The following SLCO3A1 variants were observed in gnomAD, a reference collection of about 807,000 sequenced individuals.
SLCO3A1 encodes solute carrier organic anion transporter family member 3A1.
Under a neutral mutation model 63.1 loss-of-function variants are expected in SLCO3A1, and 27 were observed. The ratio of observed to expected loss-of-function variants is 0.43; its 90% confidence interval spans 0.32 to 0.59. SLCO3A1 has a LOEUF of 0.59. Ranked by LOEUF, SLCO3A1 falls within the 20% of genes least tolerant of loss-of-function variation. The pLI is 0.09. For missense variants in SLCO3A1, 773 were observed against 945.8 expected (o/e 0.82, Z 2.40); for synonymous variants, 473 against 409.9 (o/e 1.15, Z -1.86).
chr15:92,126,360 G>A, intron 6 of SLCO3A1, 101 bp downstream of exon 6: 1 of 929,762 alleles, frequency 1.1e-6, no homozygotes, highest in South Asian at 1.4e-5. Flanking sequence ...CTAGTGACCT[G>A]AGGAGACGCA....
At chr15:92,063,269 A>G (rs546486157) in intron 2 of SLCO3A1, among the ~76,000 whole-genome samples, 6 of 152,176 alleles carry the variant, frequency 3.9e-5, no homozygotes, top group Admixed American at 6.5e-5. Flanking sequence ...CCCCTTGTGC[A>G]TAGATATCCA....
chr15:92,015,384 C>G (rs1251612690), intron 2 of SLCO3A1, among the ~76,000 whole-genome samples: 2 of 152,030 alleles, frequency 1.3e-5, no homozygotes, highest in Admixed American at 1.3e-4. Flanking sequence ...AAGCAAGTAC[C>G]TTCTTCGCAA....
chr15:92,114,636 C>A (rs190430091), intron 4 of SLCO3A1, among the ~76,000 whole-genome samples: 1 of 152,264 alleles, frequency 6.6e-6, no homozygotes. Context: ...TCCTCTTTCC[C>A]TTTTTTTAAG....
chr15:92,036,785 G>T (rs906791908), intron 2 of SLCO3A1, among the ~76,000 whole-genome samples: 1 of 152,138 alleles, frequency 6.6e-6, no homozygotes, highest in Non-Finnish European at 1.5e-5. Flanking sequence ...GTGCTGGGAA[G>T]CACCCAAATC....
chr15:91,899,589 G>GCAT (rs1408321142), intron 1 of SLCO3A1, among the ~76,000 whole-genome samples: 1 of 152,010 alleles, frequency 6.6e-6, no homozygotes, highest in African/African-American at 2.4e-5. Context: ...TCATTTCTGT[G>GCAT]CATTGTCTTT....
intron 4 of SLCO3A1, among the ~76,000 whole-genome samples, chr15:92,115,251 T>C (rs1306934913): frequency 1.3e-5 from 2 of 152,058 alleles, no homozygotes; most frequent in Admixed American, 1.3e-4. Context: ...TGCCTGGCCC[T>C]CTGGAGGTAG....
intron 2 of SLCO3A1, among the ~76,000 whole-genome samples, chr15:91,971,818 G>A (rs999751331): frequency 8.7e-5 from 7 of 80,676 alleles, no homozygotes; most frequent in Admixed American, 3.6e-4. Context: ...CAGTGGCTCC[G>A]TATTCAGCAG....
At chr15:92,044,173 C>T (rs1351294676) in intron 2 of SLCO3A1, among the ~76,000 whole-genome samples, 1 of 152,098 alleles carries the variant, frequency 6.6e-6, no homozygotes, top group African/African-American at 2.4e-5. Flanking sequence ...GGGACACTCT[C>T]CTGTCTTGGC....
rs1286219634 is a variant in SLCO3A1, at chr15:91,860,041, A to G, written c.180+5953A>G. The stretch of plus-strand genomic sequence containing the variant: ...AATATAGCAATCCATTTCATCTTAA[A>G]GATGCTATAAAAATTAGTCACATGG... On this transcript the variant is annotated intron_variant, in intron 1 of 9. Transcript: ENST00000318445. The surrounding 1 kb of genome is among the most constrained non-coding windows in gnomAD (Gnocchi z 5.5). 2.0e-5 allele frequency among the ~76,000 whole-genome samples: 3 copies of G among 152,214 alleles called. No individual in the cohort carries two copies. Among genetic ancestry groups the G allele is most frequent in the African/African-American group, 7.2e-5 (3 of 41,450 alleles).
At chr15:92,048,932 G>C (rs116997445) in intron 2 of SLCO3A1, among the ~76,000 whole-genome samples, 2 of 152,320 alleles carry the variant, frequency 1.3e-5, no homozygotes, top group African/African-American at 4.8e-5. Context: ...TTTCACCAAT[G>C]GTGACTCACT....
chr15:92,159,647 G>T (rs1187662415), intron 9 of SLCO3A1, among the ~76,000 whole-genome samples: 1 of 148,630 alleles, frequency 6.7e-6, no homozygotes, highest in African/African-American at 2.5e-5. Flanking sequence ...GCTCACTGCA[G>T]CCTGGAACTC....
At chr15:92,104,617 A>C (rs1045033872) in intron 4 of SLCO3A1, 75 bp downstream of exon 4, 3 of 1,474,678 alleles carry the variant, frequency 2.0e-6, no homozygotes, top group African/African-American at 1.4e-5. Context: ...AAGGGGTGGC[A>C]CCCAGGACTG....
chr15:91,941,670 CTCTT>C lies in SLCO3A1; in HGVS notation c.646+25214_646+25217del. ...TTTTTCTTACTCGGGATGTTTGTTTCTCTTTGTCTTTAAAAAAATTATTTTTCCT... is the reference window on the plus strand; with the variant it reads ...TTTTTCTTACTCGGGATGTTTGTTTCTGTCTTTAAAAAAATTATTTTTCCT... On this transcript the variant is annotated intron_variant, in intron 2 of 9. Coordinates refer to ENST00000318445, the MANE Select transcript of SLCO3A1 (RefSeq NM_013272.4). This position sits in a 1 kb window ranked among gnomAD's most constrained non-coding sequence, Gnocchi z 4.4. 1.0e-5 allele frequency: 4 copies of C among 387,246 alleles called. No homozygotes were observed. Among genetic ancestry groups the C allele is most frequent in the Non-Finnish European group, 1.5e-5 (3 of 197,388 alleles). 24.0% of individuals were successfully genotyped at this position (387,246 alleles called of 1,614,324 possible).
intron 2 of SLCO3A1, among the ~76,000 whole-genome samples, chr15:91,991,794 G>T (rs1018138088): frequency 6.6e-6 from 1 of 152,168 alleles, no homozygotes; most frequent in African/African-American, 2.4e-5. Context: ...GCTGTCCCGC[G>T]CAGCCCAGCT....
intron 7 of SLCO3A1, among the ~76,000 whole-genome samples, chr15:92,146,608 A>G (rs955747368): frequency 2.6e-5 from 4 of 152,388 alleles, no homozygotes; most frequent in South Asian, 4.1e-4. Context: ...ATAACTGCAT[A>G]AAAGAGAGGA....
intron 2 of SLCO3A1, among the ~76,000 whole-genome samples, chr15:91,969,457 C>T (rs1900779132): frequency 6.6e-6 from 1 of 152,068 alleles, no homozygotes; most frequent in African/African-American, 2.4e-5. Flanking sequence ...AGGTACGTGC[C>T]ACCATGCCTG....
chr15:91,947,805 C>T (rs926242739), intron 2 of SLCO3A1, among the ~76,000 whole-genome samples: 1 of 152,168 alleles, frequency 6.6e-6, no homozygotes, highest in African/African-American at 2.4e-5. Flanking sequence ...GTTAGTACCC[C>T]CTGCTTGGCC....
chr15:91,995,008 A>G (rs1478461032), intron 2 of SLCO3A1, among the ~76,000 whole-genome samples: 8 of 152,202 alleles, frequency 5.3e-5, no homozygotes. Context: ...TTACATGAGC[A>G]TCTCCTGGCC....
chr15:92,140,079 A>G (rs1273419216), intron 7 of SLCO3A1, among the ~76,000 whole-genome samples: 1 of 103,500 alleles, frequency 9.7e-6, no homozygotes, highest in Non-Finnish European at 1.8e-5. Context: ...TAGGGTGTCA[A>G]TTTTGGATCT....
Sources: allele counts gnomAD v4.1 joint callset (sites outside exome capture counted in the v4.1 genomes callset), GRCh38; gene constraint gnomAD v4.1.1; non-coding constraint Gnocchi (gnomAD v3.1); transcripts MANE v1.5; gene names NCBI Gene and HGNC (gene_info 2026-07-23, HGNC 2026-07-21).